The following ZNF667 variants were observed in gnomAD, a reference collection of about 807,000 sequenced individuals.
The protein encoded by ZNF667 is myocardial ischemic preconditioning upregulated 1 ortholog.
Under a neutral mutation model 31.8 loss-of-function variants are expected in ZNF667, and 13 were observed. The ratio of observed to expected loss-of-function variants is 0.41; its 90% CI spans 0.27 to 0.65. ZNF667 has a LOEUF of 0.65. Ranked by LOEUF, ZNF667 falls within the 30% of genes least tolerant of loss-of-function variation. The probability of loss-of-function intolerance (pLI) is 0.32; values close to 1 mark genes in which losing one functional copy is unlikely to be tolerated. For missense variants in ZNF667, 642 were observed against 725.6 expected, an observed-to-expected ratio of 0.88 and a Z score of 1.32; for synonymous variants, 228 against 247.1, an observed-to-expected ratio of 0.92 and a Z score of 0.73.
At chr19:56,454,292 A>G (rs1331366747) in intron 6 of ZNF667, among the ~76,000 whole-genome samples, 1 of 152,192 alleles carries the variant, frequency 6.6e-6, no homozygotes, top group Non-Finnish European at 1.5e-5. Flanking sequence ...CCCTATCAAA[A>G]TATCAGAGAC....
At chr19:56,457,254 C>G (rs1258755599) in intron 6 of ZNF667, among the ~76,000 whole-genome samples, 6 of 152,122 alleles carry the variant, frequency 3.9e-5, no homozygotes, top group Non-Finnish European at 8.8e-5. Flanking sequence ...TCACAAAAAT[C>G]ATGCAGATTT....
chr19:56,457,797 T>C (rs1014355931), intron 6 of ZNF667, among the ~76,000 whole-genome samples: 1 of 152,174 alleles, frequency 6.6e-6, no homozygotes, highest in Non-Finnish European at 1.5e-5. Flanking sequence ...CAAATGCCTA[T>C]GTTGAAATTT....
rs376150730 is a variant in ZNF667 at position 56,439,373 on chromosome 19, G to A, written c.*1789C>T. 3.5e-4 allele frequency: 53 copies of A among 152,218 alleles called. No individual in the cohort carries two copies. The highest frequency in any genetic ancestry group is 1.3e-3 in the African/African-American group (52 of 41,528). The allele number at this position is 152,218 out of a possible 1,614,324, so 9.4% of individuals were successfully genotyped here. On this transcript the variant is annotated 3_prime_UTR_variant, in exon 7 of 7. Coordinates refer to ENST00000504904, the MANE Select transcript of ZNF667 (RefSeq NM_001321356.2). Reference sequence around the variant, plus strand: ...TCTGATTTTATTTCTTATATATTTGGCACAAACAGCAGAGACTGAAAGCTA... The same window carrying A: ...TCTGATTTTATTTCTTATATATTTGACACAAACAGCAGAGACTGAAAGCTA...
In ZNF667 at chr19:56,471,953, G is replaced by A. The variant is rs76014263; in HGVS notation, c.-314C>T. ...TGGGAGATAACTGAATCATGGGGGC[G>A]GTTTCCCCCATGCTGTTCTCATGGC... On this transcript the variant is annotated 5_prime_UTR_variant, in exon 3 of 7. Coordinates refer to ENST00000504904, the MANE Select transcript of ZNF667 (RefSeq NM_001321356.2). 2 of 152,148 alleles carry A rather than the reference G, an allele frequency of 1.3e-5. No individual in the cohort carries two copies. Among genetic ancestry groups the A allele is most frequent in the African/African-American group, 2.4e-5 (1 of 41,408 alleles). 9.4% of individuals were successfully genotyped at this position (152,148 alleles called of 1,614,324 possible). A position where few individuals can be genotyped will look rare whatever the true frequency, so the allele number is the denominator to read the frequency against.
At chr19:56,470,053 CAT>C in intron 3 of ZNF667, 1 of 457,342 alleles carries the variant, frequency 2.2e-6, no homozygotes, top group Non-Finnish European at 4.4e-6. Context: ...CCAATGTTCT[CAT>C]GTGTGCAGCT....
chr19:56,449,326 C>G, intron 6 of ZNF667: 1 of 413,094 alleles, frequency 2.4e-6, no homozygotes. Context: ...AATAAGGCAA[C>G]AGTGACCAGT....
At chr19:56,459,760 G>A (rs895131982) in intron 5 of ZNF667, among the ~76,000 whole-genome samples, 13 of 152,168 alleles carry the variant, frequency 8.5e-5, no homozygotes, top group Non-Finnish European at 1.6e-4. Flanking sequence ...TTGGGAGGCC[G>A]AGGTGGGCAG....
Position 56,449,150 on chromosome 19 carries a change from C to T in ZNF667, c.254-6409G>A, listed in dbSNP as rs572376053. On this transcript the variant is annotated intron_variant, in intron 6 of 6. Transcript: ENST00000504904. ...ATGGCTGCAGTGAACAAAGACACATCCTAGCCCCTTTGAATACATGGAGAG... is the reference window on the plus strand; with the variant it reads ...ATGGCTGCAGTGAACAAAGACACATTCTAGCCCCTTTGAATACATGGAGAG... 4.3e-5 allele frequency: 12 copies of T among 280,016 alleles called. No homozygotes were observed. The East Asian group carries it at 4.8e-4, about 11-fold the overall frequency. 17.3% of individuals were successfully genotyped at this position (280,016 alleles called of 1,614,324 possible).
intron 1 of ZNF667, chr19:56,475,505 T>G (rs1217234468): frequency 6.6e-6 from 1 of 152,240 alleles, no homozygotes; most frequent in East Asian, 1.9e-4. Flanking sequence ...TGACAGTGTC[T>G]GGAGACATTT....
At chr19:56,460,625 G>A in intron 5 of ZNF667, 64 bp downstream of exon 5, 1 of 1,535,274 alleles carries the variant, frequency 6.5e-7, no homozygotes, top group Non-Finnish European at 8.8e-7. Flanking sequence ...TTCCTGACTA[G>A]ACCCAGAGTG....
intron 2 of ZNF667, among the ~76,000 whole-genome samples, chr19:56,473,371 T>G (rs1322502334): frequency 3.3e-5 from 5 of 151,950 alleles, no homozygotes; most frequent in Non-Finnish European, 4.4e-5. Context: ...ACATTTAGAG[T>G]GGTGCCAGGA....
chr19:56,456,051 C>G (rs1016895562), intron 6 of ZNF667, among the ~76,000 whole-genome samples: 12 of 152,156 alleles, frequency 7.9e-5, no homozygotes, highest in African/African-American at 2.9e-4. Flanking sequence ...TTGGGAATGA[C>G]AGAGATTTCT....
At chr19:56,449,666 C>T (rs1033412015) in intron 6 of ZNF667, 1 of 116,108 alleles carries the variant, frequency 8.6e-6, no homozygotes, top group Non-Finnish European at 1.7e-5. Flanking sequence ...GCCTGGGGAA[C>T]AGAGAGAAAC....
Position 56,442,676 on chromosome 19 carries a change from T to C in ZNF667, c.319A>G (p.Ile107Val). Residue 107 changes from isoleucine to valine, a missense_variant, in exon 7 of 7, where the codon ATC becomes GTC. Coordinates refer to ENST00000504904, the MANE Select transcript of ZNF667 (RefSeq NM_001321356.2). ...PNQCNKSGQSICQKLVSAQQK... is the reference protein window; with the variant it reads ...PNQCNKSGQSVCQKLVSAQQK... ...TGTGCAGAAACTAGTTTCTGGCAGA[T>C]GCTTTGCCCAGATTTGTTGCATTGA... is the stretch of plus-strand genomic sequence containing the variant. 6.2e-7 allele frequency: 1 copy of C among 1,612,362 alleles called. No homozygotes were observed. The highest frequency in any genetic ancestry group is 1.1e-5 in the South Asian group (1 of 90,912).
At chr19:56,468,173 C>T (rs1231076545) in intron 3 of ZNF667, 2 of 152,234 alleles carry the variant, frequency 1.3e-5, no homozygotes, top group Non-Finnish European at 2.9e-5. Flanking sequence ...TCGGGAACTG[C>T]TTCAGGCAAA....
At chr19:56,449,782 A>C (rs1013848356) in intron 6 of ZNF667, 1 of 151,952 alleles carries the variant, frequency 6.6e-6, no homozygotes, top group South Asian at 2.1e-4. Flanking sequence ...TTTTAAAAAG[A>C]CATTGAAATA....
rs763043175 is a variant in ZNF667, at chr19:56,442,285, C to T, written c.710G>A (p.Cys237Tyr). The T allele has an allele frequency of 5.1e-5, 82 of 1,614,034 alleles. No individual in the cohort carries two copies. Among genetic ancestry groups the T allele is most frequent in the Non-Finnish European group, 6.8e-5 (80 of 1,180,012 alleles). Reference protein sequence around the residue: ...ILDCGKALSQCQSFNIHQKIH... With the variant: ...ILDCGKALSQYQSFNIHQKIH... ...TTTCTGATGTATATTGAAAGACTGACATTGACTCAAGGCCTTCCCACAGTC... is the reference window on the plus strand; with the variant it reads ...TTTCTGATGTATATTGAAAGACTGATATTGACTCAAGGCCTTCCCACAGTC... Residue 237 changes from cysteine (C) to tyrosine (Y), a missense_variant, in exon 7 of 7, where the codon TGT becomes TAT. By Grantham distance (194) the Cys-to-Tyr change is radical. Transcript: ENST00000504904.
Position 56,452,703 on chromosome 19 carries a change from T to C in ZNF667, c.253+5452A>G, listed in dbSNP as rs193236624. Among the ~76,000 whole-genome samples, 622 of 152,210 alleles carry C rather than the reference T, an allele frequency of 4.1e-3. 4 individuals are homozygous for C. The highest frequency in any genetic ancestry group is 0.014 in the African/African-American group (596 of 41,542). On this transcript the variant is annotated intron_variant, in intron 6 of 6. Transcript: ENST00000504904. ...GGGAAGCCAAGGTGGGCGGATCACC[T>C]GAGGTCAGGAGTTCAAGACCAGCCT...
At chr19:56,461,471 C>CA (rs1421076154) in intron 4 of ZNF667, among the ~76,000 whole-genome samples, 2 of 152,108 alleles carry the variant, frequency 1.3e-5, no homozygotes, top group African/African-American at 2.4e-5. Context: ...TGAATCTGGC[C>CA]AATAACCAGC....
Sources: allele counts gnomAD v4.1 joint callset (sites outside exome capture counted in the v4.1 genomes callset), GRCh38; gene constraint gnomAD v4.1.1; transcripts MANE v1.5; gene names NCBI Gene and HGNC (gene_info 2026-07-23, HGNC 2026-07-21).